Variants in ABHD2 observed in about 807,000 individuals in gnomAD.
ABHD2 encodes the protein abhydrolase domain containing 2, acylglycerol lipase.
A neutral mutation model predicts 48.1 loss-of-function variants in ABHD2; 20 were observed. The observed-to-expected ratio is 0.42, with a 90% CI of 0.29 to 0.60. The LOEUF (loss-of-function observed/expected upper bound fraction) is 0.60, where lower values mean the gene tolerates loss of function less well. ABHD2 is among the 20% of genes least tolerant of loss of function. The probability of loss-of-function intolerance (pLI) is 0.24; values close to 1 mark genes in which losing one functional copy is unlikely to be tolerated. For missense variants in ABHD2, 405 were observed against 550.9 expected, an observed-to-expected ratio of 0.74 and a Z score of 2.65; for synonymous variants, 209 against 214.2, an observed-to-expected ratio of 0.98 and a Z score of 0.21.
At chr15:89,052,643 A>G in the ABHD2 span, among the ~76,000 whole-genome samples, 932 of 152,134 alleles carry the variant, frequency 6.1e-3, 8 homozygotes, top group Non-Finnish European at 9.2e-3. Flanking sequence ...TGTTTCTACA[A>G]GCCAAGGAGC....
chr15:89,105,816 C>T (rs1397453059), intron 1 of ABHD2, among the ~76,000 whole-genome samples: 1 of 152,004 alleles, frequency 6.6e-6, no homozygotes, highest in Non-Finnish European at 1.5e-5. Flanking sequence ...CCAGGGCTTT[C>T]CCATCCCTTC....
chr15:89,116,180 C>A lies in ABHD2; in HGVS notation c.-6-142C>A. The A allele has an allele frequency of 4.2e-6, 3 of 712,348 alleles. No individual in the cohort carries two copies. The highest frequency in any genetic ancestry group is 6.9e-6 in the Non-Finnish European group (3 of 435,048). The allele number at this position is 712,348 out of a possible 1,614,324, so 44.1% of individuals were successfully genotyped here. ...GCTGTAAGATGCTGGTGGTGTCTGC[C>A]TGTCAGGAGCCTGCGGAAACATCTG... On this transcript the variant is annotated intron_variant, in intron 2 of 10. Transcript: ENST00000352732. The surrounding 1 kb of genome is among the most constrained non-coding windows in gnomAD (Gnocchi z 4.6).
chr15:89,194,492 G>A (rs1327470129), intron 10 of ABHD2, among the ~76,000 whole-genome samples: 1 of 152,096 alleles, frequency 6.6e-6, no homozygotes, highest in Non-Finnish European at 1.5e-5. Flanking sequence ...TATTTCTCAG[G>A]ATGGCCACTT....
intron 1 of ABHD2, among the ~76,000 whole-genome samples, chr15:89,112,939 G>T (rs2049898389): frequency 1.3e-5 from 2 of 152,162 alleles, no homozygotes; most frequent in African/African-American, 2.4e-5. Flanking sequence ...TACCTCATAG[G>T]GTACAGGAAG....
At position 89,137,311 on chromosome 15, in the gene ABHD2, G is replaced by C. The variant is rs1395642305; in HGVS notation, c.195-14366G>C. Among the ~76,000 whole-genome samples, 1 of 152,178 alleles carries C rather than the reference G, an allele frequency of 6.6e-6. No homozygotes were observed. The highest frequency in any genetic ancestry group is 1.5e-5 in the Non-Finnish European group (1 of 68,034). ...GAACAGGAAGATAGTGGGATCAGAT[G>C]CATTTAACATGTGGATACAGTTCTG... On this transcript the variant is annotated intron_variant, in intron 3 of 10. Transcript: ENST00000352732. The surrounding 1 kb of genome is among the most constrained non-coding windows in gnomAD (Gnocchi z 4.8).
the ABHD2 span, among the ~76,000 whole-genome samples, chr15:89,049,360 C>A: frequency 6.6e-6 from 1 of 152,240 alleles, no homozygotes; most frequent in African/African-American, 2.4e-5. Flanking sequence ...GTGCCCTGCC[C>A]CCAGAGGTGG....
At chr15:89,065,815 T>C in the ABHD2 span, among the ~76,000 whole-genome samples, 1 of 152,162 alleles carries the variant, frequency 6.6e-6, no homozygotes, top group Non-Finnish European at 1.5e-5. Context: ...GCTTCTGTCC[T>C]AATGCAGGAT....
At position 89,137,748 on chromosome 15, in the gene ABHD2, G is replaced by C. The variant is rs2150860466; in HGVS notation, c.195-13929G>C. Among the ~76,000 whole-genome samples, 1 of 152,344 alleles carries C rather than the reference G, an allele frequency of 6.6e-6. No individual in the cohort carries two copies. The highest frequency in any genetic ancestry group is 3.4e-3 in the Middle Eastern group (1 of 294). On this transcript the variant is annotated intron_variant, in intron 3 of 10. Transcript: ENST00000352732. This position sits in a 1 kb window ranked among gnomAD's most constrained non-coding sequence, Gnocchi z 4.8. The stretch of plus-strand genomic sequence containing the variant: ...AGGGGAAAATGCTGTGTTCAAAGTG[G>C]ATTTCTGATGAGCCTATTAATGGGT...
intron 5 of ABHD2, among the ~76,000 whole-genome samples, chr15:89,160,441 TACCA>T (rs2050744518): frequency 6.6e-6 from 1 of 152,124 alleles, no homozygotes. Flanking sequence ...TATCTGATGG[TACCA>T]ACCCTGACTC....
At chr15:89,098,439 C>G (rs1195316528) in intron 1 of ABHD2, among the ~76,000 whole-genome samples, 1 of 152,146 alleles carries the variant, frequency 6.6e-6, no homozygotes, top group African/African-American at 2.4e-5. Context: ...AGGAGTTTCC[C>G]TGGGGCCTGA....
At chr15:89,112,413 T>C (rs1203151855) in intron 1 of ABHD2, among the ~76,000 whole-genome samples, 1 of 152,238 alleles carries the variant, frequency 6.6e-6, no homozygotes, top group Non-Finnish European at 1.5e-5. Context: ...TGCCCTGTTT[T>C]TCATTTGGCA....
intron 5 of ABHD2, among the ~76,000 whole-genome samples, chr15:89,163,436 C>T (rs2050791809): frequency 6.6e-6 from 1 of 152,228 alleles, no homozygotes; most frequent in South Asian, 2.1e-4. Flanking sequence ...CTAATGAGTG[C>T]CAGGCATGTG....
the ABHD2 span, among the ~76,000 whole-genome samples, chr15:89,067,244 G>C: frequency 6.6e-6 from 1 of 152,260 alleles, no homozygotes; most frequent in African/African-American, 2.4e-5. Flanking sequence ...AAAGAAGCAG[G>C]TGGTGAGGAT....
In ABHD2 at chr15:89,094,029, T is replaced by C. The variant is rs2049571176; in HGVS notation, c.-107+5466T>C. ...CCTGGAAATTGAATGGAATCTTTAG[T>C]CTATTAGTCTAATCTAGAGTCCTTA... On this transcript the variant is annotated intron_variant, in intron 1 of 10. Coordinates refer to ENST00000352732, the MANE Select transcript of ABHD2 (RefSeq NM_152924.5). This position sits in a 1 kb window ranked among gnomAD's most constrained non-coding sequence, Gnocchi z 4.7. 6.6e-6 allele frequency: 1 copy of C among 152,264 alleles called. No homozygotes were observed. The highest frequency in any genetic ancestry group is 2.4e-5 in the African/African-American group (1 of 41,464). The allele number at this position is 152,264 out of a possible 1,614,324, so 9.4% of individuals were successfully genotyped here.
rs1287267961 is a variant in ABHD2 at position 89,104,024 on chromosome 15, T to C, written c.-106-9701T>C. 1 of 152,206 alleles carries C rather than the reference T, an allele frequency of 6.6e-6. No individual in the cohort carries two copies. Among genetic ancestry groups the C allele is most frequent in the Non-Finnish European group, 1.5e-5 (1 of 68,046 alleles). The allele number at this position is 152,206 out of a possible 1,614,324, so 9.4% of individuals were successfully genotyped here. On this transcript the variant is annotated intron_variant, in intron 1 of 10. Transcript: ENST00000352732. This position sits in a 1 kb window ranked among gnomAD's most constrained non-coding sequence, Gnocchi z 4.4. ...TGCTCTAAACTGGCAGGAGATCCTG[T>C]TTCTACTCACAGCGTCCGAGGTATT...
rs1248489971 is a variant in ABHD2 at position 89,197,013 on chromosome 15, GAATAT to G, written c.*1593_*1597del. On this transcript the variant is annotated 3_prime_UTR_variant, in exon 11 of 11. Coordinates refer to ENST00000352732, the MANE Select transcript of ABHD2 (RefSeq NM_152924.5). The surrounding 1 kb of genome is among the most constrained non-coding windows in gnomAD (Gnocchi z 4.4). The stretch of plus-strand genomic sequence containing the variant: ...TCTCCTTTGACTCCAGGACAGACTG[GAATAT>G]AAGTAGTGGGTCTGCATGGATGTTT... The G allele has an allele frequency of 6.6e-6, 1 of 152,638 alleles. No homozygotes were observed. Among genetic ancestry groups the G allele is most frequent in the Non-Finnish European group, 1.5e-5 (1 of 68,050 alleles). The allele number at this position is 152,638 out of a possible 1,614,324, so 9.5% of individuals were successfully genotyped here.
the ABHD2 span, among the ~76,000 whole-genome samples, chr15:89,078,840 C>T: frequency 6.6e-6 from 1 of 151,742 alleles, no homozygotes; most frequent in African/African-American, 2.4e-5. Context: ...AAGCAATTCT[C>T]CTGTCTCAGC....
chr15:89,187,989 G>A (rs1172252495), intron 7 of ABHD2, among the ~76,000 whole-genome samples: 1 of 152,206 alleles, frequency 6.6e-6, no homozygotes, highest in Admixed American at 6.5e-5. Context: ...TCTTTAGTTT[G>A]TCTGGGTACC....
At chr15:89,180,741 C>A (rs2051096758) in intron 6 of ABHD2, among the ~76,000 whole-genome samples, 1 of 152,218 alleles carries the variant, frequency 6.6e-6, no homozygotes, top group African/African-American at 2.4e-5. Context: ...CCTCTCTCTG[C>A]AGGCTGGGCT....
Sources: gnomAD v4.1 joint callset for allele counts (sites outside exome capture counted in the v4.1 genomes callset) on GRCh38, gnomAD v4.1.1 for gene constraint, Gnocchi (gnomAD v3.1) non-coding constraint, MANE v1.5 for transcripts, NCBI Gene and HGNC (gene_info 2026-07-23, HGNC 2026-07-21) for gene names.